HHIP: variants seen among roughly 807,000 people sequenced by gnomAD.
The protein encoded by HHIP is hedgehog-interacting protein.
A neutral mutation model predicts 74.0 loss-of-function variants in HHIP; 12 were observed. The observed-to-expected ratio is 0.16, with a 90% CI of 0.10 to 0.26. HHIP has a LOEUF of 0.26. Ranked by LOEUF, HHIP falls within the 10% of genes least tolerant of loss-of-function variation. HHIP has a pLI of 1.00. For synonymous variants in HHIP, 309 were observed against 311.6 expected (o/e 0.99, Z 0.09); for missense variants, 788 against 845.0 (o/e 0.93, Z 0.84).
chr4:144,648,070 C>T (rs1483393549), intron 1 of HHIP: 2 of 151,926 alleles, frequency 1.3e-5, no homozygotes, highest in African/African-American at 4.8e-5. Flanking sequence ...GTAAACAGCT[C>T]CTACGAATCA....
intron 4 of HHIP, among the ~76,000 whole-genome samples, chr4:144,688,999 A>G (rs1464097716): frequency 6.6e-6 from 1 of 152,236 alleles, no homozygotes; most frequent in Non-Finnish European, 1.5e-5. Flanking sequence ...AAACCATTTC[A>G]GTCACAGATA....
intron 4 of HHIP, among the ~76,000 whole-genome samples, chr4:144,681,421 CTTT>C (rs139951678): frequency 9.2e-4 from 93 of 101,416 alleles, no homozygotes; most frequent in Middle Eastern, 4.9e-3. Context: ...TTGCAGAGTT[CTTT>C]TTTTTTTTTT....
chr4:144,711,571 T>C (rs945131106), intron 7 of HHIP, among the ~76,000 whole-genome samples: 12 of 152,134 alleles, frequency 7.9e-5, no homozygotes, highest in African/African-American at 2.4e-4. Context: ...CTCCCACTTA[T>C]GAGTAAGAAC....
At chr4:144,669,978 T>A (rs374186059) in intron 4 of HHIP, among the ~76,000 whole-genome samples, 1 of 135,696 alleles carries the variant, frequency 7.4e-6, no homozygotes, top group Non-Finnish European at 1.6e-5. Flanking sequence ...CGTCTCTACT[T>A]AAAAAAAAAA....
rs758242387 is a variant in HHIP, at chr4:144,646,789, G to A, written c.114G>A (p.Arg38=). The A allele has an allele frequency of 3.7e-6, 6 of 1,614,106 alleles. No homozygotes were observed. The African/African-American group carries it at 4.0e-5, about 11-fold the overall frequency. Residue 38 remains arginine, a synonymous_variant, in exon 1 of 13, where the codon AGG becomes AGA. Coordinates refer to ENST00000296575, the MANE Select transcript of HHIP (RefSeq NM_022475.3). ...RNEGSGARRR[R]CLNGNPPKRL... The stretch of plus-strand genomic sequence containing the variant: ...AAGGGAGCGGAGCAAGGAGGAGAAG[G>A]TGCCTGAATGGGAACCCCCCGAAGC...
intron 2 of HHIP, chr4:144,654,845 G>T (rs1474146287): frequency 6.6e-6 from 1 of 152,126 alleles, no homozygotes; most frequent in East Asian, 1.9e-4. Flanking sequence ...TTTTTTAGAA[G>T]AAACTAATCA....
At chr4:144,720,863 CATA>C (rs1365458435) in intron 11 of HHIP, among the ~76,000 whole-genome samples, 3 of 152,050 alleles carry the variant, frequency 2.0e-5, no homozygotes, top group Admixed American at 2.0e-4. Flanking sequence ...CGTTTATTAT[CATA>C]ATATTTCTTC....
Position 144,738,148 on chromosome 4 carries a change from CAT to C in HHIP, c.*193_*194del. ...ATGTTTGTTCACATATGCACATACA[CAT>C]ACTCATAACCCCTATATGCGTTGTT... On this transcript the variant is annotated 3_prime_UTR_variant, in exon 13 of 13. Coordinates refer to ENST00000296575, the MANE Select transcript of HHIP (RefSeq NM_022475.3). The C allele has an allele frequency of 2.4e-6, 3 of 1,246,584 alleles. No individual in the cohort carries two copies. Among genetic ancestry groups the C allele is most frequent in the Non-Finnish European group, 3.0e-6 (3 of 993,460 alleles). 77.2% of individuals were successfully genotyped at this position (1,246,584 alleles called of 1,614,324 possible).
At position 144,734,855 on chromosome 4, in the gene HHIP, C is replaced by T. The variant is rs778081610; in HGVS notation, c.1875C>T (p.Cys625=). Residue 625 remains cysteine (C), a synonymous_variant, in exon 12 of 13, where the codon TGC becomes TGT. Transcript: ENST00000296575. ...GCACCCCCACGGGAAAGTGCTGCTG[C>T]AGTCCAGGCTGGGAGGGGGACTTCT... ...GYCTPTGKCC[C]SPGWEGDFCR... 6.2e-7 allele frequency: 1 copy of T among 1,612,664 alleles called. No homozygotes were observed. The highest frequency in any genetic ancestry group is 8.5e-7 in the Non-Finnish European group (1 of 1,178,880).
chr4:144,695,455 T>C (rs891385811), intron 4 of HHIP, among the ~76,000 whole-genome samples: 1 of 151,796 alleles, frequency 6.6e-6, no homozygotes, highest in Non-Finnish European at 1.5e-5. Context: ...GAAGTAATTT[T>C]CACAGCTAAT....
chr4:144,694,318 G>A (rs561821223), intron 4 of HHIP, among the ~76,000 whole-genome samples: 7 of 150,968 alleles, frequency 4.6e-5, no homozygotes, highest in East Asian at 3.9e-4. Flanking sequence ...GTTCCTTGGT[G>A]GTCTAAACTA....
At chr4:144,711,817 T>C (rs1462578492) in intron 7 of HHIP, 133 bp from the exon 8 acceptor site, 2 of 743,012 alleles carry the variant, frequency 2.7e-6, no homozygotes, top group Admixed American at 2.4e-5. Context: ...CAGTGCTTTC[T>C]AGAAGATCCA....
Position 144,652,643 on chromosome 4 carries a change from A to C in HHIP, c.318A>C (p.Leu106Phe). ...SVTNNTECGK[L>F]LEEIKCALCS... ...CCAACAACACAGAATGTGGGAAGTT[A>C]CTGGAGGAAATCAAATGTGCACTTT... The change falls in exon 2 of 13, where the codon TTA becomes TTC. Residue 106 changes from leucine (L) to phenylalanine (F), a missense_variant. Coordinates refer to ENST00000296575, the MANE Select transcript of HHIP (RefSeq NM_022475.3). 1 of 1,610,894 alleles carries C rather than the reference A, an allele frequency of 6.2e-7. No homozygotes were observed. Among genetic ancestry groups the C allele is most frequent in the Non-Finnish European group, 8.5e-7 (1 of 1,178,282 alleles).
rs763450805 is a variant in HHIP, at chr4:144,646,690, C to G, written c.15C>G (p.Leu5=). Residue 5 remains leucine (L), a synonymous_variant, in exon 1 of 13, where the codon CTC becomes CTG. Transcript: ENST00000296575. MLKM[L]SFKLLLLAVA... is the part of the protein sequence containing the mutation. ...CTGGGCAGACGATGCTGAAGATGCT[C>G]TCCTTTAAGCTGCTGCTGCTGGCCG... 5 of 1,613,910 alleles carry G rather than the reference C, an allele frequency of 3.1e-6. No homozygotes were observed. The African/African-American group carries it at 5.3e-5, about 17-fold the overall frequency.
intron 11 of HHIP, among the ~76,000 whole-genome samples, chr4:144,723,163 C>T (rs1350086790): frequency 6.6e-6 from 1 of 151,618 alleles, no homozygotes. Flanking sequence ...TATTATGTAC[C>T]CACTCTTGCT....
At chr4:144,708,436 C>T in intron 7 of HHIP, 125 bp downstream of exon 7, 2 of 857,892 alleles carry the variant, frequency 2.3e-6, no homozygotes, top group Non-Finnish European at 3.6e-6. Context: ...GGCCATGCCT[C>T]TAAAGTCACA....
intron 2 of HHIP, among the ~76,000 whole-genome samples, chr4:144,657,912 C>T (rs1300640333): frequency 2.6e-5 from 4 of 152,066 alleles, no homozygotes; most frequent in African/African-American, 9.7e-5. Context: ...TTATAAGCAC[C>T]AATTCATTGC....
intron 4 of HHIP, 55 bp downstream of exon 4, chr4:144,659,893 G>C (rs568237943): frequency 4.6e-6 from 6 of 1,298,622 alleles, no homozygotes; most frequent in Non-Finnish European, 6.7e-6. Flanking sequence ...TTTTATTTTA[G>C]TGTTACCTTC....
chr4:144,710,325 G>A (rs1025579593), intron 7 of HHIP, among the ~76,000 whole-genome samples: 2 of 152,116 alleles, frequency 1.3e-5, no homozygotes, highest in African/African-American at 4.8e-5. Flanking sequence ...CATGATCCCT[G>A]CCAGGCATTG....
Sources: allele counts gnomAD v4.1 joint callset (sites outside exome capture counted in the v4.1 genomes callset), GRCh38; gene constraint gnomAD v4.1.1; transcripts MANE v1.5; gene names NCBI Gene and HGNC (gene_info 2026-07-23, HGNC 2026-07-21).